IGF2R: variants seen among roughly 807,000 people sequenced by gnomAD.
IGF2R encodes insulin like growth factor 2 receptor.
A neutral mutation model predicts 270.6 loss-of-function variants in IGF2R; 91 were observed. That is an observed-to-expected ratio of 0.34 (90% CI 0.28 to 0.40). IGF2R has a LOEUF of 0.40. Among genes scored for constraint, IGF2R ranks in the 10% least tolerant of loss-of-function variants. The pLI is 1.00. For missense variants in IGF2R, 2,805 were observed against 3,188.3 expected (o/e 0.88, Z 2.90); for synonymous variants, 1,316 against 1,258.9 (o/e 1.05, Z -0.96).
chr6:160,102,848 C>G lies in IGF2R; in HGVS notation c.6995+177C>G, dbSNP rs910796595. 1.3e-5 allele frequency among the ~76,000 whole-genome samples: 2 copies of G among 152,166 alleles called. No homozygotes were observed. Among genetic ancestry groups the G allele is most frequent in the African/African-American group, 4.8e-5 (2 of 41,444 alleles). ...CCCCAGCGTTGTGGTTTTTAAATGC[C>G]TGCATTTCTGTCTGACCAAGGCCGA... On this transcript the variant is annotated intron_variant, in intron 46 of 47. Transcript: ENST00000356956. This position sits in a 1 kb window ranked among gnomAD's most constrained non-coding sequence, Gnocchi z 4.5.
intron 44 of IGF2R, chr6:160,093,569 C>T (rs554323765): frequency 1.5e-6 from 1 of 660,648 alleles, no homozygotes; most frequent in Admixed American, 2.0e-5. Context: ...CCAGGGGATT[C>T]CAGAACTTGC....
chr6:159,971,425 A>T (rs1047670488), intron 1 of IGF2R, among the ~76,000 whole-genome samples: 1 of 152,212 alleles, frequency 6.6e-6, no homozygotes, highest in African/African-American at 2.4e-5. Context: ...CATTGTGAAT[A>T]TAATAAGATC....
At chr6:160,039,218 A>G (rs1398434040) in intron 10 of IGF2R, among the ~76,000 whole-genome samples, 2 of 152,226 alleles carry the variant, frequency 1.3e-5, no homozygotes, top group Non-Finnish European at 2.9e-5. Context: ...CTCCTGGGCT[A>G]CAAGTGTGTA....
At position 159,996,033 on chromosome 6, in the gene IGF2R, A is replaced by G. The variant is rs771369404; in HGVS notation, c.289+4710A>G. 7.4e-5 allele frequency among the ~76,000 whole-genome samples: 11 copies of G among 148,422 alleles called. No homozygotes were observed. The Middle Eastern group carries it at 0.011, about 143-fold the overall frequency. ...TCCCTTGAGAATGTGAATATAACGTATGTTGTATATAGTTGTTTGACTTCA... is the reference window on the plus strand; with the variant it reads ...TCCCTTGAGAATGTGAATATAACGTGTGTTGTATATAGTTGTTTGACTTCA... On this transcript the variant is annotated intron_variant, in intron 2 of 47. Coordinates refer to ENST00000356956, the MANE Select transcript of IGF2R (RefSeq NM_000876.4).
Position 160,078,306 on chromosome 6 carries a change from G to A in IGF2R, c.5422G>A (p.Asp1808Asn), listed in dbSNP as rs1778898766. ...EVRMDGCTLT[D>N]EQLLYSFNLS... ...GAGGATGGATGGCTGTACCCTGACAGATGAGCAGCTCCTCTACAGCTTCAA... is the reference window on the plus strand; with the variant it reads ...GAGGATGGATGGCTGTACCCTGACAAATGAGCAGCTCCTCTACAGCTTCAA... The change falls in exon 37 of 48, where the codon GAT becomes AAT. Residue 1808 changes from aspartate (D) to asparagine (N), a missense_variant. Around this residue, in one of 2 missense-constraint regions of IGF2R, gnomAD observed 1,851 missense variants for 2,207.2 expected, o/e 0.84. Coordinates refer to ENST00000356956, the MANE Select transcript of IGF2R (RefSeq NM_000876.4). 2 of 1,614,100 alleles carry A rather than the reference G, an allele frequency of 1.2e-6. No individual in the cohort carries two copies. The highest frequency in any genetic ancestry group is 2.7e-5 in the African/African-American group (2 of 74,952).
intron 5 of IGF2R, 127 bp from the exon 6 acceptor site, chr6:160,027,058 T>A: frequency 9.6e-7 from 1 of 1,046,396 alleles, no homozygotes; most frequent in Admixed American, 2.1e-5. Flanking sequence ...GCCCAAGGTT[T>A]CAGAATAGTT....
intron 4 of IGF2R, among the ~76,000 whole-genome samples, chr6:160,014,102 T>C (rs778861239): frequency 1.3e-5 from 2 of 152,198 alleles, no homozygotes; most frequent in Middle Eastern, 3.2e-3. Flanking sequence ...TTAAAACTAT[T>C]GTTATACTTT....
At chr6:160,086,647 T>C (rs1339479783) in intron 41 of IGF2R, among the ~76,000 whole-genome samples, 1 of 152,192 alleles carries the variant, frequency 6.6e-6, no homozygotes, top group African/African-American at 2.4e-5. Context: ...AAATTTTCCG[T>C]AAAACAGTGG....
Position 160,058,923 on chromosome 6 carries a change from A to G in IGF2R, c.2916A>G (p.Thr972=). The G allele has an allele frequency of 6.2e-7, 1 of 1,614,236 alleles. No homozygotes were observed. Among genetic ancestry groups the G allele is most frequent in the Non-Finnish European group, 8.5e-7 (1 of 1,180,022 alleles). The change falls in exon 22 of 48, where the codon ACA becomes ACG. Residue 972 remains threonine (T), a synonymous_variant. Coordinates refer to ENST00000356956, the MANE Select transcript of IGF2R (RefSeq NM_000876.4). The part of the protein sequence containing the change: ...GKIFMFNVCG[T]MPVCGTILGK... ...ACCTGCAGTTTAATGTCTGCGGCAC[A>G]ATGCCTGTCTGTGGGACCATCCTGG...
rs900738374 is a variant in IGF2R at position 160,033,200 on chromosome 6, A to G, written c.1211+93A>G. 5 of 824,280 alleles carry G rather than the reference A, an allele frequency of 6.1e-6. No homozygotes were observed. In the African/African-American group the frequency reaches 8.7e-5, roughly 14 times the overall value. The allele number at this position is 824,280 out of a possible 1,614,324, so 51.1% of individuals were successfully genotyped here. A position where few individuals can be genotyped will look rare whatever the true frequency, so the allele number is the denominator to read the frequency against. Reference sequence around the variant, plus strand: ...CGCCCAGGCTAGACTGCAGTGGTGCAATCTCGGTGCATTGCAGCCTTGACT... The same window carrying G: ...CGCCCAGGCTAGACTGCAGTGGTGCGATCTCGGTGCATTGCAGCCTTGACT... On this transcript the variant is annotated intron_variant, in intron 9 of 47. Coordinates refer to ENST00000356956, the MANE Select transcript of IGF2R (RefSeq NM_000876.4).
Position 160,062,550 on chromosome 6 carries a change from C to T in IGF2R, c.3601C>T (p.Leu1201Phe), listed in dbSNP as rs759698621. 3 of 1,613,486 alleles carry T rather than the reference C, an allele frequency of 1.9e-6. No homozygotes were observed. In the Admixed American group the frequency reaches 5.0e-5, roughly 27 times the overall value. Residue 1201 changes from leucine (L) to phenylalanine (F), a missense_variant, in exon 26 of 48, where the codon CTT becomes TTT. By Grantham distance (22) the Leu-to-Phe change is conservative (BLOSUM62 0). Around this residue, in one of 2 missense-constraint regions of IGF2R, gnomAD observed 1,851 missense variants for 2,207.2 expected, o/e 0.84. Coordinates refer to ENST00000356956, the MANE Select transcript of IGF2R (RefSeq NM_000876.4). ...ATTACAGGGCTCACCAGCATTTCAG[C>T]TTCAGGATGGTTGTGAGTACGTGTT... ...AQISGSPAFQLQDGCEYVFIW... is the reference protein window; with the variant it reads ...AQISGSPAFQFQDGCEYVFIW...
Position 160,106,449 on chromosome 6 carries a change from A to G in IGF2R, c.*1365A>G, listed in dbSNP as rs1779624195. 1 of 152,574 alleles carries G rather than the reference A, an allele frequency of 6.6e-6. No individual in the cohort carries two copies. Among genetic ancestry groups the G allele is most frequent in the African/African-American group, 2.4e-5 (1 of 41,424 alleles). 9.5% of individuals were successfully genotyped at this position (152,574 alleles called of 1,614,324 possible). On this transcript the variant is annotated 3_prime_UTR_variant, in exon 48 of 48. Transcript: ENST00000356956. ...TTTGGCTGGCTTGTTTGATTTCAAC[A>G]TGAGTGTATTTTTTAAAATTGATTT...
intron 2 of IGF2R, among the ~76,000 whole-genome samples, chr6:159,995,581 T>C (rs890282055): frequency 6.6e-6 from 1 of 152,218 alleles, no homozygotes; most frequent in African/African-American, 2.4e-5. Context: ...GTCTTTAAGC[T>C]ATTAGATTCT....
intron 1 of IGF2R, among the ~76,000 whole-genome samples, chr6:159,987,985 A>G (rs1783914324): frequency 6.6e-6 from 1 of 152,080 alleles, no homozygotes; most frequent in Admixed American, 6.5e-5. Flanking sequence ...CTCCTTTCCT[A>G]CTCCCATAAC....
At chr6:160,047,733 GT>G in intron 16 of IGF2R, 58 bp from the exon 17 acceptor site, 1 of 1,077,316 alleles carries the variant, frequency 9.3e-7, no homozygotes, top group Non-Finnish European at 1.4e-6. Context: ...TTGAATCCTG[GT>G]TTTATGTCAC....
intron 15 of IGF2R, 121 bp from the exon 16 acceptor site, chr6:160,047,038 G>A (rs1036572173): frequency 5.8e-6 from 5 of 867,400 alleles, no homozygotes; most frequent in Non-Finnish European, 9.3e-6. Context: ...CCTGTGGTCT[G>A]CAGCCCGGGC....
intron 18 of IGF2R, among the ~76,000 whole-genome samples, chr6:160,049,036 A>T (rs1254479096): frequency 6.6e-6 from 1 of 152,176 alleles, no homozygotes; most frequent in African/African-American, 2.4e-5. Flanking sequence ...TGGTCGTTGT[A>T]CGTGGTGAAT....
Position 160,084,876 on chromosome 6 carries a change from T to C in IGF2R, c.6069-119T>C, listed in dbSNP as rs986221467. On this transcript the variant is annotated intron_variant, in intron 40 of 47. Coordinates refer to ENST00000356956, the MANE Select transcript of IGF2R (RefSeq NM_000876.4). This position sits in a 1 kb window ranked among gnomAD's most constrained non-coding sequence, Gnocchi z 4.6. ...GCTATTTTAGTGCTACATTCAGTGATGGAATGGAGCCCTTAGTTATCAGAA... is the reference window on the plus strand; with the variant it reads ...GCTATTTTAGTGCTACATTCAGTGACGGAATGGAGCCCTTAGTTATCAGAA... 1.2e-5 allele frequency: 11 copies of C among 920,714 alleles called. No individual in the cohort carries two copies. Among genetic ancestry groups the C allele is most frequent in the Admixed American group, 4.7e-5 (2 of 42,852 alleles). 57.0% of individuals were successfully genotyped at this position (920,714 alleles called of 1,614,324 possible). A position where few individuals can be genotyped will look rare whatever the true frequency, so the allele number is the denominator to read the frequency against.
chr6:160,048,633 A>C, intron 18 of IGF2R, 90 bp downstream of exon 18: 1 of 1,343,648 alleles, frequency 7.4e-7, no homozygotes, highest in Non-Finnish European at 1.0e-6. Context: ...TCCAGATCAA[A>C]GGCAGCACAG....
Sources: gnomAD v4.1 joint callset for allele counts (sites outside exome capture counted in the v4.1 genomes callset) on GRCh38, gnomAD v4.1.1 for gene constraint, gnomAD v4.1.1 regional missense constraint, Gnocchi (gnomAD v3.1) non-coding constraint, MANE v1.5 for transcripts, NCBI Gene and HGNC (gene_info 2026-07-23, HGNC 2026-07-21) for gene names.